The following ANTXR2 variants were observed in gnomAD, a reference collection of about 807,000 sequenced individuals.
The protein encoded by ANTXR2 is ANTXR cell adhesion molecule 2.
Under a neutral mutation model 73.7 loss-of-function variants are expected in ANTXR2, and 44 were observed. The observed-to-expected ratio is 0.60, with a 90% CI of 0.47 to 0.77. The LOEUF (loss-of-function observed/expected upper bound fraction) is 0.77, where lower values mean the gene tolerates loss of function less well. Among genes scored for constraint, ANTXR2 ranks in the 30% least tolerant of loss-of-function variants. The pLI, the probability that ANTXR2 is intolerant of heterozygous loss-of-function variation, is 0.00. For missense variants in ANTXR2, 604 were observed against 592.5 expected (o/e 1.02, Z -0.20); for synonymous variants, 217 against 205.9 (o/e 1.05, Z -0.46).
intron 16 of ANTXR2, among the ~76,000 whole-genome samples, chr4:79,973,422 G>C (rs541475933): frequency 2.8e-4 from 36 of 128,268 alleles, no homozygotes; most frequent in African/African-American, 7.3e-4. Context: ...CATAAATTTG[G>C]ATTTTTTTTT....
chr4:80,010,132 T>A (rs1036591374), intron 11 of ANTXR2, among the ~76,000 whole-genome samples: 8 of 151,900 alleles, frequency 5.3e-5, no homozygotes, highest in Admixed American at 2.6e-4. Context: ...TTATAGAAAT[T>A]TTCAGGCAAA....
At chr4:80,031,829 A>G (rs1260843493) in intron 9 of ANTXR2, 137 bp from the exon 10 acceptor site, 3 of 440,476 alleles carry the variant, frequency 6.8e-6, no homozygotes, top group Non-Finnish European at 1.2e-5. Context: ...AACTAAAGAA[A>G]GAGAAGTGAA....
Position 80,018,940 on chromosome 4 carries a change from T to C in ANTXR2, c.903A>G (p.Lys301=). The change falls in exon 11 of 17, where the codon AAA becomes AAG. Residue 301 remains lysine, a synonymous_variant. Transcript: ENST00000403729. ...CAATTAATGATCCTGAAATGACAGA[T>C]TTTCCTCCATTAAAGCTCACTGAAA... The part of the protein sequence containing the change: ...LDVSVSFNGG[K]SVISGSLIVT... 6.6e-7 allele frequency: 1 copy of C among 1,518,694 alleles called. No homozygotes were observed. Among genetic ancestry groups the C allele is most frequent in the Admixed American group, 2.3e-5 (1 of 43,352 alleles). The allele number at this position is 1,518,694 out of a possible 1,614,324, so 94.1% of individuals were successfully genotyped here.
At chr4:79,926,868 T>TACACATGTGTGC (rs1330166875) in intron 16 of ANTXR2, among the ~76,000 whole-genome samples, 8 of 151,914 alleles carry the variant, frequency 5.3e-5, no homozygotes, top group Admixed American at 2.6e-4. Flanking sequence ...AATTGTGGCA[T>TACACATGTGTGC]ATATATGTGT....
At chr4:80,020,207 C>T (rs545266744) in intron 10 of ANTXR2, among the ~76,000 whole-genome samples, 251 of 151,964 alleles carry the variant, frequency 1.7e-3, no homozygotes, top group African/African-American at 5.7e-3. Flanking sequence ...GTGAGATGCC[C>T]ATCTCTACAA....
At chr4:80,038,022 A>G (rs1733060145) in intron 7 of ANTXR2, among the ~76,000 whole-genome samples, 1 of 152,156 alleles carries the variant, frequency 6.6e-6, no homozygotes, top group Non-Finnish European at 1.5e-5. Flanking sequence ...TTATTTAGCC[A>G]CAGCTTTATC....
At chr4:79,931,019 A>G (rs1207574857) in intron 16 of ANTXR2, among the ~76,000 whole-genome samples, 1 of 152,186 alleles carries the variant, frequency 6.6e-6, no homozygotes, top group East Asian at 1.9e-4. Context: ...TATAGCCATA[A>G]TTTTCCTAAA....
chr4:80,068,747 G>C (rs902621074), intron 3 of ANTXR2, among the ~76,000 whole-genome samples: 1 of 152,084 alleles, frequency 6.6e-6, no homozygotes, highest in Admixed American at 6.5e-5. Flanking sequence ...ACTCCAGCCT[G>C]GGCAACAGAG....
At position 79,978,067 on chromosome 4, in the gene ANTXR2, T is replaced by G; in HGVS notation, c.1287A>C (p.Arg429Ser). 2 of 1,613,822 alleles carry G rather than the reference T, an allele frequency of 1.2e-6. No individual in the cohort carries two copies. Among genetic ancestry groups the G allele is most frequent in the Non-Finnish European group, 1.7e-6 (2 of 1,179,828 alleles). Residue 429 changes from arginine (R) to serine (S), a missense_variant, in exon 15 of 17, where the codon AGA becomes AGC. Arg to Ser is a moderately radical substitution (Grantham distance 110). Transcript: ENST00000403729. The stretch of plus-strand genomic sequence containing the variant: ...GGTGTGTGGGTTTGGGTCGAGGTGG[T>G]CTAGGCCTGATGGGTTCCTCTGTTT... ...PEETEEPIRP[R>S]PPRPKPTHQP... is the part of the protein sequence containing the mutation.
At chr4:80,059,333 T>C (rs960507403) in intron 3 of ANTXR2, among the ~76,000 whole-genome samples, 4 of 151,186 alleles carry the variant, frequency 2.6e-5, no homozygotes, top group African/African-American at 9.7e-5. Context: ...TATATATATA[T>C]ATGGTGTTTT....
At chr4:79,976,786 G>C (rs1194260861) in intron 16 of ANTXR2, among the ~76,000 whole-genome samples, 1 of 152,152 alleles carries the variant, frequency 6.6e-6, no homozygotes, top group Non-Finnish European at 1.5e-5. Flanking sequence ...CAATTTGGGA[G>C]CCTTCCTGCC....
rs1729714015 is a variant in ANTXR2 at position 79,978,031 on chromosome 4, C to T, written c.1323G>A (p.Gln441=). 1 of 1,602,288 alleles carries T rather than the reference C, an allele frequency of 6.2e-7. No individual in the cohort carries two copies. Among genetic ancestry groups the T allele is most frequent in the African/African-American group, 1.4e-5 (1 of 73,728 alleles). ...PRPKPTHQPP[Q]TKWYTPIKGR... is the part of the protein sequence containing the mutation. The stretch of plus-strand genomic sequence containing the variant: ...CCTTAATTGGGGTGTACCATTTTGT[C>T]TGAGGAGGCTGGTGTGTGGGTTTGG... Residue 441 remains glutamine (Q), a synonymous_variant, in exon 15 of 17, where the codon CAG becomes CAA. Coordinates refer to ENST00000403729, the MANE Select transcript of ANTXR2 (RefSeq NM_058172.6).
At chr4:80,009,390 T>C (rs761597262) in intron 11 of ANTXR2, among the ~76,000 whole-genome samples, 3 of 152,340 alleles carry the variant, frequency 2.0e-5, no homozygotes, top group Non-Finnish European at 4.4e-5. Flanking sequence ...CAACTCATAT[T>C]TCTCTATACT....
At chr4:80,018,774 A>G in intron 11 of ANTXR2, 124 bp downstream of exon 11, 1 of 803,494 alleles carries the variant, frequency 1.2e-6, no homozygotes, top group South Asian at 2.1e-5. Flanking sequence ...TTTTCCTTGT[A>G]ATGGTCTCCA....
intron 16 of ANTXR2, among the ~76,000 whole-genome samples, chr4:79,924,232 T>C (rs550714945): frequency 6.6e-6 from 1 of 152,278 alleles, no homozygotes; most frequent in South Asian, 2.1e-4. Context: ...GCTCTCAAAA[T>C]TGATAGCATT....
chr4:80,072,543 G>C lies in ANTXR2; in HGVS notation c.18C>G (p.Ser6=), dbSNP rs761426818. Residue 6 remains serine (S), a synonymous_variant, in exon 1 of 17, where the codon TCC becomes TCG. Transcript: ENST00000403729. MVAER[S]PARSPGSWLF... ...GCCAGCTCCCGGGGCTGCGGGCCGG[G>C]GACCGCTCCGCCACCATCCTGCGGC... The C allele has an allele frequency of 5.1e-6, 8 of 1,579,592 alleles. No homozygotes were observed. In the African/African-American group the frequency reaches 1.1e-4, roughly 22 times the overall value.
chr4:79,966,367 AT>A (rs753911178), intron 16 of ANTXR2, among the ~76,000 whole-genome samples: 43 of 152,170 alleles, frequency 2.8e-4, no homozygotes, highest in Non-Finnish European at 5.7e-4. Context: ...AGTAACTTTA[AT>A]TTTTTACCAA....
chr4:79,990,232 C>A (rs1157128269), intron 12 of ANTXR2, among the ~76,000 whole-genome samples: 3 of 32,368 alleles, frequency 9.3e-5, no homozygotes, highest in African/African-American at 1.5e-4. Context: ...TTTAGAAAAC[C>A]CTAAATATTC....
intron 11 of ANTXR2, among the ~76,000 whole-genome samples, chr4:80,011,721 C>A (rs1731594335): frequency 6.6e-6 from 1 of 152,104 alleles, no homozygotes. Context: ...CACATTTCCC[C>A]AATATGTTTA....
Sources: gnomAD v4.1 joint callset for allele counts (sites outside exome capture counted in the v4.1 genomes callset) on GRCh38, gnomAD v4.1.1 for gene constraint, MANE v1.5 for transcripts, NCBI Gene and HGNC (gene_info 2026-07-23, HGNC 2026-07-21) for gene names.